Variants in PTPRN2 observed in about 807,000 individuals in gnomAD.
PTPRN2 encodes the protein protein tyrosine phosphatase receptor type N2.
In PTPRN2, 74 loss-of-function variants were observed where a neutral mutation model predicts 118.8. The observed-to-expected ratio is 0.62, with a 90% CI of 0.52 to 0.76. The LOEUF (loss-of-function observed/expected upper bound fraction) is 0.76, where lower values mean the gene tolerates loss of function less well. PTPRN2 is among the 30% of genes least tolerant of loss of function. The pLI is 0.00. For synonymous variants in PTPRN2, 641 were observed against 608.0 expected (o/e 1.05, Z -0.80); for missense variants, 1,481 against 1,394.4 (o/e 1.06, Z -0.99).
At chr7:158,225,597 A>G (rs554278554) in intron 3 of PTPRN2, among the ~76,000 whole-genome samples, 217 of 152,340 alleles carry the variant, frequency 1.4e-3, no homozygotes, top group Admixed American at 4.1e-3. Context: ...CTAGTGTGGA[A>G]TGCAGGTACG....
chr7:158,319,378 GCA>G lies in PTPRN2; in HGVS notation c.164-2448_164-2447del, dbSNP rs1027218567. Among the ~76,000 whole-genome samples, 177 of 146,062 alleles carry G rather than the reference GCA, an allele frequency of 1.2e-3. 1 individual carries two copies. Among genetic ancestry groups the G allele is most frequent in the African/African-American group, 4.1e-3 (165 of 39,802 alleles). On this transcript the variant is annotated intron_variant, in intron 2 of 22. Transcript: ENST00000389418. Reference sequence around the variant, plus strand: ...ATATTTTCCATGCATCCTCACACATGCACACACACACACAGCCTCCCACACAC... The same window carrying G: ...ATATTTTCCATGCATCCTCACACATGCACACACACACAGCCTCCCACACAC...
In PTPRN2 at chr7:157,729,776, C is replaced by A. The variant is rs566526224; in HGVS notation, c.1789-46839G>T. Among the ~76,000 whole-genome samples, 5 of 152,208 alleles carry A rather than the reference C, an allele frequency of 3.3e-5. No homozygotes were observed. Among genetic ancestry groups the A allele is most frequent in the Non-Finnish European group, 7.3e-5 (5 of 68,038 alleles). ...GGCAGAGATGGTGCCCAGGTAGTGA[C>A]TGCACCACACCCATAAGGGCCACCT... On this transcript the variant is annotated intron_variant, in intron 12 of 22. Coordinates refer to ENST00000389418, the MANE Select transcript of PTPRN2 (RefSeq NM_002847.5). The surrounding 1 kb of genome is among the most constrained non-coding windows in gnomAD (Gnocchi z 4.3).
At chr7:157,982,696 A>G (rs1585135116) in intron 11 of PTPRN2, among the ~76,000 whole-genome samples, 2 of 87,762 alleles carry the variant, frequency 2.3e-5, no homozygotes, top group Non-Finnish European at 4.2e-5. Context: ...GATGGAGGGG[A>G]ATGCAGAGTA....
At chr7:158,152,026 T>G (rs1821232662) in intron 6 of PTPRN2, among the ~76,000 whole-genome samples, 1 of 151,198 alleles carries the variant, frequency 6.6e-6, no homozygotes, top group Admixed American at 6.6e-5. Context: ...ACAAAAAAAT[T>G]AGCCGGGCGT....
intron 22 of PTPRN2, among the ~76,000 whole-genome samples, chr7:157,545,072 G>GGT (rs199762622): frequency 3.4e-5 from 5 of 145,466 alleles, no homozygotes; most frequent in Admixed American, 1.4e-4. Context: ...AGTGTGCATG[G>GGT]GTGTGTGTGT....
At chr7:158,159,381 T>C (rs1822156705) in intron 6 of PTPRN2, among the ~76,000 whole-genome samples, 1 of 152,142 alleles carries the variant, frequency 6.6e-6, no homozygotes, top group Non-Finnish European at 1.5e-5. Flanking sequence ...TGGAGACCCG[T>C]GATTACCTTG....
chr7:157,942,744 C>G (rs1264734697), intron 11 of PTPRN2, among the ~76,000 whole-genome samples: 1 of 152,150 alleles, frequency 6.6e-6, no homozygotes, highest in Non-Finnish European at 1.5e-5. Flanking sequence ...CTGCCCCCAC[C>G]TTTTCTAGGA....
intron 5 of PTPRN2, among the ~76,000 whole-genome samples, chr7:158,169,891 C>T (rs1018719815): frequency 1.4e-5 from 2 of 139,676 alleles, no homozygotes; most frequent in African/African-American, 2.6e-5. Context: ...GGGGTTTCGC[C>T]ATGTTGGCCA....
At chr7:158,051,552 C>T (rs1271983138) in intron 11 of PTPRN2, among the ~76,000 whole-genome samples, 1 of 152,222 alleles carries the variant, frequency 6.6e-6, no homozygotes, top group Non-Finnish European at 1.5e-5. Flanking sequence ...CTGTGTCTGT[C>T]TGTCTGTCTG....
rs769891474 is a variant in PTPRN2, at chr7:158,311,238, A to G, written c.277+5581T>C. Reference sequence around the variant, plus strand: ...GCCTTGGATTTCTGTGTTCCAGTCCACATTATTTAGGGATTTATTTTCCTT... The same window carrying G: ...GCCTTGGATTTCTGTGTTCCAGTCCGCATTATTTAGGGATTTATTTTCCTT... On this transcript the variant is annotated intron_variant, in intron 3 of 22. Transcript: ENST00000389418. Among the ~76,000 whole-genome samples the G allele has an allele frequency of 2.6e-4, 40 of 152,182 alleles. 1 individual carries two copies. Among genetic ancestry groups the G allele is most frequent in the Non-Finnish European group, 5.1e-4 (35 of 68,030 alleles).
rs184343576 is a variant in PTPRN2, at chr7:158,036,489, T to A, written c.1723+44809A>T. Among the ~76,000 whole-genome samples, 4 of 152,236 alleles carry A rather than the reference T, an allele frequency of 2.6e-5. No individual in the cohort carries two copies. In the East Asian group the frequency reaches 7.7e-4, roughly 29 times the overall value. On this transcript the variant is annotated intron_variant, in intron 11 of 22. Transcript: ENST00000389418. ...ATGAGTATTACTTCGATACTAGCAC[T>A]GAAAAACAGTAACACAATGAAAATA... is the stretch of plus-strand genomic sequence containing the variant.
chr7:158,063,757 C>T (rs1250810346), intron 11 of PTPRN2, among the ~76,000 whole-genome samples: 1 of 152,184 alleles, frequency 6.6e-6, no homozygotes, highest in African/African-American at 2.4e-5. Flanking sequence ...AACTGTAACA[C>T]TCACTGCAAG....
chr7:158,073,222 A>G (rs1386831852), intron 11 of PTPRN2, among the ~76,000 whole-genome samples: 1 of 152,168 alleles, frequency 6.6e-6, no homozygotes, highest in African/African-American at 2.4e-5. Context: ...TTGCCATGGG[A>G]ACTGATATTG....
intron 12 of PTPRN2, among the ~76,000 whole-genome samples, chr7:157,833,497 T>C (rs900158898): frequency 3.5e-5 from 5 of 143,004 alleles, no homozygotes; most frequent in Non-Finnish European, 6.0e-5. Flanking sequence ...CCAGGAAGTA[T>C]GCGACGTGGC....
intron 11 of PTPRN2, among the ~76,000 whole-genome samples, chr7:158,018,136 G>T (rs1269736411): frequency 6.6e-6 from 1 of 152,210 alleles, no homozygotes; most frequent in Non-Finnish European, 1.5e-5. Context: ...GGCTAGGGAA[G>T]GGAATTTAAA....
rs1309406286 is a variant in PTPRN2, at chr7:158,093,489, C to T, written c.1644-12112G>A. On this transcript the variant is annotated intron_variant, in intron 10 of 22. Transcript: ENST00000389418. The surrounding 1 kb of genome is among the most constrained non-coding windows in gnomAD (Gnocchi z 4.4). ...ATAACTTGCCTCCTCCAGTCTTGTT[C>T]CTTGTTCACTGGCGTCCCTCACTCT... 1.3e-5 allele frequency among the ~76,000 whole-genome samples: 2 copies of T among 152,220 alleles called. No homozygotes were observed. The highest frequency in any genetic ancestry group is 3.9e-4 in the East Asian group (2 of 5,194).
At chr7:157,656,213 GC>G in intron 14 of PTPRN2, 143 bp downstream of exon 14, 1 of 774,606 alleles carries the variant, frequency 1.3e-6, no homozygotes, top group Non-Finnish European at 2.0e-6. Context: ...AAAGAGCCCT[GC>G]CTGTCAGCCT....
At chr7:157,840,946 C>A (rs536393078) in intron 12 of PTPRN2, among the ~76,000 whole-genome samples, 14 of 152,246 alleles carry the variant, frequency 9.2e-5, no homozygotes, top group Admixed American at 2.0e-4. Context: ...CACCACCTCA[C>A]CGCCTGCCTG....
chr7:158,347,261 T>C (rs1181904966), intron 2 of PTPRN2, among the ~76,000 whole-genome samples: 4 of 152,234 alleles, frequency 2.6e-5, no homozygotes, highest in Non-Finnish European at 5.9e-5. Context: ...TAATCCCTTT[T>C]GAGTTTTTGT....
Sources: allele counts gnomAD v4.1 joint callset (sites outside exome capture counted in the v4.1 genomes callset), GRCh38; gene constraint gnomAD v4.1.1; non-coding constraint Gnocchi (gnomAD v3.1); transcripts MANE v1.5; gene names NCBI Gene and HGNC (gene_info 2026-07-23, HGNC 2026-07-21).